Variants in SLC24A2 observed in about 807,000 individuals in gnomAD.
The protein encoded by SLC24A2 is solute carrier family 24 member 2.
A neutral mutation model predicts 62.0 loss-of-function variants in SLC24A2; 36 were observed. That is an observed-to-expected ratio of 0.58 (90% confidence interval 0.44 to 0.77). SLC24A2 has a LOEUF of 0.77. Ranked by LOEUF, SLC24A2 falls within the 30% of genes least tolerant of loss-of-function variation. SLC24A2 has a pLI of 0.00. For missense variants in SLC24A2, 846 were observed against 817.9 expected (o/e 1.03, Z -0.42); for synonymous variants, 358 against 294.0 (o/e 1.22, Z -2.23).
At chr9:20,260,067 A>C in the SLC24A2 span, among the ~76,000 whole-genome samples, 1 of 152,200 alleles carries the variant, frequency 6.6e-6, no homozygotes, top group African/African-American at 2.4e-5. Flanking sequence ...TGTGTGACAG[A>C]GTGAGACCCT....
chr9:19,808,726 C>T, the SLC24A2 span, among the ~76,000 whole-genome samples: 1 of 152,258 alleles, frequency 6.6e-6, no homozygotes, highest in Middle Eastern at 3.4e-3. The surrounding 1 kb of genome is among the most constrained non-coding windows in gnomAD (Gnocchi z 4.1). Flanking sequence ...TAAGGTTATA[C>T]CCCAGTTCCA....
chr9:20,113,658 T>C, the SLC24A2 span, among the ~76,000 whole-genome samples: 18 of 152,318 alleles, frequency 1.2e-4, no homozygotes, highest in Middle Eastern at 3.4e-3. Context: ...GTCATTTTTT[T>C]TCTCTGAACA....
the SLC24A2 span, among the ~76,000 whole-genome samples, chr9:19,942,897 C>G: frequency 6.6e-6 from 1 of 152,144 alleles, no homozygotes; most frequent in Non-Finnish European, 1.5e-5. Context: ...ACAAAATTCA[C>G]TATCTCCTCC....
intron 5 of SLC24A2, among the ~76,000 whole-genome samples, chr9:19,587,785 G>A (rs1379238588): frequency 6.6e-6 from 1 of 152,072 alleles, no homozygotes; most frequent in African/African-American, 2.4e-5. Context: ...ACAAAAAGAA[G>A]CATCCACAAT....
chr9:20,093,611 G>C, the SLC24A2 span, among the ~76,000 whole-genome samples: 1 of 152,014 alleles, frequency 6.6e-6, no homozygotes, highest in Non-Finnish European at 1.5e-5. Flanking sequence ...TTATTATAGA[G>C]GTAACATGTT....
chr9:20,269,835 G>A, the SLC24A2 span, among the ~76,000 whole-genome samples: 9 of 152,054 alleles, frequency 5.9e-5, no homozygotes, highest in Admixed American at 2.6e-4. Flanking sequence ...GGACTTGACC[G>A]CTTTCTTGTT....
At chr9:20,157,155 C>G in the SLC24A2 span, among the ~76,000 whole-genome samples, 12,378 of 151,500 alleles carry the variant, frequency 0.082, 1,227 homozygotes, top group East Asian at 0.47. Flanking sequence ...AGAAGAAACA[C>G]AAAACACAGT....
chr9:19,531,886 C>T (rs1177051375), intron 8 of SLC24A2, among the ~76,000 whole-genome samples: 2 of 152,048 alleles, frequency 1.3e-5, no homozygotes, highest in African/African-American at 4.8e-5. Flanking sequence ...ACTTCATGTA[C>T]ATAAAATGTC....
chr9:19,689,974 C>G (rs531141390), intron 2 of SLC24A2, among the ~76,000 whole-genome samples: 49 of 152,204 alleles, frequency 3.2e-4, no homozygotes, highest in African/African-American at 1.2e-3. Context: ...AGGCAGAGGA[C>G]AGAGCTGGAA....
the SLC24A2 span, among the ~76,000 whole-genome samples, chr9:20,096,607 C>G: frequency 6.6e-6 from 1 of 152,124 alleles, no homozygotes; most frequent in Admixed American, 6.5e-5. Flanking sequence ...GCAATGGGTT[C>G]TACTTCTCTA....
chr9:19,972,313 C>G, the SLC24A2 span, among the ~76,000 whole-genome samples: 1 of 152,116 alleles, frequency 6.6e-6, no homozygotes, highest in Non-Finnish European at 1.5e-5. Context: ...AGTCAGGGGG[C>G]TTTACTTTGT....
the SLC24A2 span, among the ~76,000 whole-genome samples, chr9:20,074,140 T>C: frequency 6.6e-6 from 1 of 152,050 alleles, no homozygotes; most frequent in Non-Finnish European, 1.5e-5. Context: ...ATAATCAGTA[T>C]TTGCTTCTCA....
intron 7 of SLC24A2, among the ~76,000 whole-genome samples, chr9:19,550,845 G>GT (rs935567528): frequency 4.0e-5 from 6 of 151,842 alleles, no homozygotes; most frequent in African/African-American, 1.2e-4. Flanking sequence ...GTAGTTGTGA[G>GT]TTTTTTTCTT....
the SLC24A2 span, among the ~76,000 whole-genome samples, chr9:20,107,871 AG>A: frequency 6.6e-6 from 1 of 152,106 alleles, no homozygotes; most frequent in Non-Finnish European, 1.5e-5. Flanking sequence ...AAAGAGCTTC[AG>A]CACAGCAAAA....
intron 2 of SLC24A2, among the ~76,000 whole-genome samples, chr9:19,743,363 G>C (rs1229232381): frequency 6.6e-6 from 1 of 152,136 alleles, no homozygotes; most frequent in African/African-American, 2.4e-5. Context: ...TAAGGAAACA[G>C]TATTTGAAAT....
At chr9:20,232,073 C>T in the SLC24A2 span, among the ~76,000 whole-genome samples, 1 of 152,164 alleles carries the variant, frequency 6.6e-6, no homozygotes, top group African/African-American at 2.4e-5. Context: ...CCTTGCATCC[C>T]AGGGATGAAG....
At chr9:20,150,968 A>C in the SLC24A2 span, among the ~76,000 whole-genome samples, 1 of 151,952 alleles carries the variant, frequency 6.6e-6, no homozygotes, top group African/African-American at 2.4e-5. Context: ...TACTCTTACA[A>C]TCAAATAAAG....
the SLC24A2 span, among the ~76,000 whole-genome samples, chr9:19,973,164 C>T: frequency 6.6e-6 from 1 of 152,114 alleles, no homozygotes; most frequent in Non-Finnish European, 1.5e-5. Context: ...ACAATGAGAA[C>T]CCCATTTCTA....
At chr9:20,237,638 C>G in the SLC24A2 span, among the ~76,000 whole-genome samples, 1 of 152,168 alleles carries the variant, frequency 6.6e-6, no homozygotes, top group African/African-American at 2.4e-5. Context: ...GCTATTCATG[C>G]TCAAGAAAGA....
Sources: allele counts gnomAD v4.1 joint callset (sites outside exome capture counted in the v4.1 genomes callset), GRCh38; gene constraint gnomAD v4.1.1; non-coding constraint Gnocchi (gnomAD v3.1); transcripts MANE v1.5; gene names NCBI Gene and HGNC (gene_info 2026-07-23, HGNC 2026-07-21).